Variants in MEMO1 observed in about 807,000 individuals in gnomAD.
The protein encoded by MEMO1 is protein MEMO1.
A neutral mutation model predicts 45.2 loss-of-function variants in MEMO1; 6 were observed. That is an observed-to-expected ratio of 0.13 (90% confidence interval 0.07 to 0.26). The LOEUF (loss-of-function observed/expected upper bound fraction) is 0.26. MEMO1 is among the 10% of genes least tolerant of loss of function. The pLI is 1.00. For missense variants in MEMO1, 184 were observed against 370.5 expected (o/e 0.50, Z 4.13); for synonymous variants, 78 against 124.3 (o/e 0.63, Z 2.48).
intron 2 of MEMO1, among the ~76,000 whole-genome samples, chr2:32,007,547 C>T (rs1674255265): frequency 6.8e-6 from 1 of 147,374 alleles, no homozygotes. Flanking sequence ...TATGTACACA[C>T]ACTTTTTTTC....
intron 2 of MEMO1, among the ~76,000 whole-genome samples, chr2:31,968,854 T>C (rs967020911): frequency 1.3e-5 from 2 of 152,132 alleles, no homozygotes; most frequent in Non-Finnish European, 2.9e-5. Context: ...TCCATTCCAT[T>C]TTTAACTCTT....
intron 9 of MEMO1, 114 bp from the exon 10 acceptor site, chr2:31,868,606 G>T: frequency 1.0e-6 from 1 of 999,466 alleles, no homozygotes; most frequent in Non-Finnish European, 1.3e-6. Flanking sequence ...TATCTCTTTT[G>T]CTCTTTTGTT....
chr2:31,966,058 T>C (rs1668578385), intron 2 of MEMO1, among the ~76,000 whole-genome samples: 1 of 152,202 alleles, frequency 6.6e-6, no homozygotes, highest in Admixed American at 6.5e-5. Flanking sequence ...ATATTAAACA[T>C]ATGTTTGCTA....
At chr2:32,004,760 C>G (rs1461959209) in intron 2 of MEMO1, among the ~76,000 whole-genome samples, 1 of 152,018 alleles carries the variant, frequency 6.6e-6, no homozygotes, top group Non-Finnish European at 1.5e-5. Flanking sequence ...AACCCCATCT[C>G]TACTAAAAAT....
At chr2:32,005,725 T>G (rs1293342636) in intron 2 of MEMO1, among the ~76,000 whole-genome samples, 1 of 152,144 alleles carries the variant, frequency 6.6e-6, no homozygotes, top group Non-Finnish European at 1.5e-5. Flanking sequence ...CTACCAATAC[T>G]TCCCACTTGC....
chr2:31,881,036 AAAAAGAAAG>A (rs998378826), intron 8 of MEMO1, among the ~76,000 whole-genome samples: 1 of 152,024 alleles, frequency 6.6e-6, no homozygotes, highest in Non-Finnish European at 1.5e-5. Context: ...AAAAAAATAA[AAAAAGAAAG>A]AAAAGAAGGA....
intron 2 of MEMO1, among the ~76,000 whole-genome samples, chr2:31,943,709 T>C (rs1222089212): frequency 6.6e-6 from 1 of 152,216 alleles, no homozygotes; most frequent in African/African-American, 2.4e-5. Flanking sequence ...TCTCAGTGTA[T>C]GAAGAGGAAA....
chr2:31,917,349 T>C (rs1048087363), intron 6 of MEMO1, among the ~76,000 whole-genome samples: 2 of 152,194 alleles, frequency 1.3e-5, no homozygotes, highest in Non-Finnish European at 2.9e-5. Context: ...TAATAACTAC[T>C]ATGTGCTGGA....
intron 2 of MEMO1, among the ~76,000 whole-genome samples, chr2:31,949,851 T>A (rs759978555): frequency 5.9e-5 from 9 of 152,128 alleles, no homozygotes; most frequent in Non-Finnish European, 1.2e-4. Context: ...GCTTATTTCA[T>A]ATTGCATGCC....
At chr2:31,969,545 TTATC>T (rs1027793449) in intron 2 of MEMO1, among the ~76,000 whole-genome samples, 23 of 151,466 alleles carry the variant, frequency 1.5e-4, no homozygotes, top group African/African-American at 4.6e-4. Flanking sequence ...AGCTTTATAT[TTATC>T]TATACTTTCT....
chr2:32,007,203 T>A (rs1438175363), intron 2 of MEMO1, among the ~76,000 whole-genome samples: 1 of 152,122 alleles, frequency 6.6e-6, no homozygotes, highest in African/African-American at 2.4e-5. Context: ...TCTTATTAAA[T>A]TGAACTATTT....
chr2:31,931,929 A>G, intron 4 of MEMO1, 138 bp downstream of exon 4: 1 of 660,588 alleles, frequency 1.5e-6, no homozygotes, highest in Non-Finnish European at 2.6e-6. Context: ...TATACAAAGT[A>G]TAGTAAAATT....
At chr2:31,971,266 GAA>G in intron 2 of MEMO1, among the ~76,000 whole-genome samples, 1 of 150,812 alleles carries the variant, frequency 6.6e-6, no homozygotes, top group Non-Finnish European at 1.5e-5. Context: ...CTTTTTTTTT[GAA>G]AAAGAGTCTT....
chr2:31,969,606 T>G (rs960578009), intron 2 of MEMO1, among the ~76,000 whole-genome samples: 10 of 150,128 alleles, frequency 6.7e-5, no homozygotes, highest in South Asian at 4.3e-4. Context: ...TGTGTGTGTG[T>G]GTGTGTGTGT....
At chr2:31,931,165 A>T (rs1664120047) in intron 4 of MEMO1, among the ~76,000 whole-genome samples, 1 of 152,242 alleles carries the variant, frequency 6.6e-6, no homozygotes, top group Non-Finnish European at 1.5e-5. Flanking sequence ...TCAATGAATT[A>T]TAATACAATG....
intron 2 of MEMO1, among the ~76,000 whole-genome samples, chr2:31,969,584 TGG>T (rs1237171463): frequency 0.044 from 4,321 of 97,754 alleles, 59 homozygotes; most frequent in Admixed American, 0.045. Flanking sequence ...GGTGTGTGTG[TGG>T]GTGTGTGTGT....
intron 6 of MEMO1, among the ~76,000 whole-genome samples, chr2:31,899,233 C>T (rs897708775): frequency 1.3e-5 from 2 of 152,084 alleles, no homozygotes; most frequent in Non-Finnish European, 2.9e-5. Context: ...CCAAGACAAT[C>T]CTAAGTAAAA....
intron 3 of MEMO1, among the ~76,000 whole-genome samples, chr2:31,938,016 G>A (rs1435471970): frequency 2.0e-5 from 3 of 152,028 alleles, no homozygotes; most frequent in East Asian, 3.9e-4. Flanking sequence ...ATATCTCTGC[G>A]ACACATACTG....
At chr2:31,924,148 A>G (rs972432865) in intron 4 of MEMO1, among the ~76,000 whole-genome samples, 1 of 152,202 alleles carries the variant, frequency 6.6e-6, no homozygotes, top group African/African-American at 2.4e-5. Flanking sequence ...AGAAAAAGCT[A>G]AATGTCATTG....
Sources: allele counts gnomAD v4.1 joint callset (sites outside exome capture counted in the v4.1 genomes callset), GRCh38; gene constraint gnomAD v4.1.1; transcripts MANE v1.5; gene names NCBI Gene and HGNC (gene_info 2026-07-23, HGNC 2026-07-21).